The following PRUNE2 variants were observed in gnomAD, a reference collection of about 807,000 sequenced individuals.
PRUNE2 encodes prune homolog 2 with BCH domain.
PRUNE2 carries 164 observed loss-of-function variants against 252.0 expected under a neutral mutation model. The ratio of observed to expected loss-of-function variants is 0.65; its 90% confidence interval spans 0.57 to 0.74. The LOEUF (loss-of-function observed/expected upper bound fraction) is 0.74. PRUNE2 is among the 30% of genes least tolerant of loss of function. The probability of loss-of-function intolerance (pLI) is 0.00; values close to 1 mark genes in which losing one functional copy is unlikely to be tolerated. For missense variants in PRUNE2, 3,495 were observed against 3,711.0 expected (o/e 0.94, Z 1.51); for synonymous variants, 1,292 against 1,350.2 (o/e 0.96, Z 0.94).
chr9:76,675,466 G>A (rs1266373802), intron 9 of PRUNE2, among the ~76,000 whole-genome samples: 3 of 17,620 alleles, frequency 1.7e-4, no homozygotes, highest in South Asian at 2.9e-3. Flanking sequence ...CACTGTTGGT[G>A]GGACTGTAAA....
intron 4 of PRUNE2, among the ~76,000 whole-genome samples, chr9:76,842,645 C>T (rs6560549): frequency 0.29 from 43,798 of 152,000 alleles, 7,873 homozygotes; most frequent in African/African-American, 0.52. Context: ...AAGAATAAAA[C>T]AAACAACCCC....
Position 76,710,959 on chromosome 9 carries a change from A to T in PRUNE2, c.1315T>A (p.Ser439Thr). Residue 439 changes from serine to threonine, a missense_variant, in exon 8 of 19, where the codon TCC becomes ACC. Ser to Thr is a moderately conservative substitution (Grantham distance 58). Coordinates refer to ENST00000376718, the MANE Select transcript of PRUNE2 (RefSeq NM_015225.3). ...CTGAGGAAAACAGAGCTCTCCTTGGATGAGCGGCTGCTCCTAATGGTAGCC... is the reference window on the plus strand; with the variant it reads ...CTGAGGAAAACAGAGCTCTCCTTGGTTGAGCGGCTGCTCCTAATGGTAGCC... ...GLATIRSSRS[S>T]KESSVFLSDD... 6.3e-7 allele frequency: 1 copy of T among 1,598,968 alleles called. No homozygotes were observed. Among genetic ancestry groups the T allele is most frequent in the South Asian group, 1.1e-5 (1 of 88,106 alleles).
intron 17 of PRUNE2, among the ~76,000 whole-genome samples, chr9:76,620,636 C>T (rs1040242248): frequency 6.6e-6 from 1 of 152,086 alleles, no homozygotes; most frequent in Non-Finnish European, 1.5e-5. Context: ...GGTGAGATAG[C>T]AACCTTCCTT....
rs150154099 is a variant in PRUNE2, at chr9:76,806,047, A to T, written c.756+17585T>A. Reference sequence around the variant, plus strand: ...CCTTCCTCAGTATCTGTGTATATGCATGCATCCAAAAGTTGAAACCTGAAT... The same window carrying T: ...CCTTCCTCAGTATCTGTGTATATGCTTGCATCCAAAAGTTGAAACCTGAAT... On this transcript the variant is annotated intron_variant, in intron 6 of 18. Transcript: ENST00000376718. Among the ~76,000 whole-genome samples, 332 of 152,338 alleles carry T rather than the reference A, an allele frequency of 2.2e-3. 1 individual carries two copies. The highest frequency in any genetic ancestry group is 7.4e-3 in the African/African-American group (308 of 41,574).
chr9:76,694,017 G>A (rs1204368598), intron 9 of PRUNE2, among the ~76,000 whole-genome samples: 3 of 152,150 alleles, frequency 2.0e-5, no homozygotes, highest in Non-Finnish European at 2.9e-5. Context: ...GGAGCTGGTT[G>A]TATCTTGGGA....
chr9:76,830,186 G>A (rs909236565), intron 4 of PRUNE2, among the ~76,000 whole-genome samples: 3 of 152,154 alleles, frequency 2.0e-5, no homozygotes, highest in Non-Finnish European at 1.5e-5. Context: ...GAGAAAAAGC[G>A]ATGAAAAATA....
At chr9:76,833,947 A>G (rs1473848395) in intron 4 of PRUNE2, among the ~76,000 whole-genome samples, 2 of 148,862 alleles carry the variant, frequency 1.3e-5, no homozygotes, top group African/African-American at 5.0e-5. Flanking sequence ...AGTGGCTGCA[A>G]TCTTGGCTCA....
Position 76,704,989 on chromosome 9 carries a change from T to G in PRUNE2, c.7285A>C (p.Ile2429Leu). The G allele has an allele frequency of 1.2e-6, 2 of 1,613,788 alleles. No homozygotes were observed. The highest frequency in any genetic ancestry group is 1.7e-6 in the Non-Finnish European group (2 of 1,179,790). Reference protein sequence around the residue: ...DESLGCRAAEIVLSALPDRRS... With the variant: ...DESLGCRAAELVLSALPDRRS... ...CGATCAGGAAGTGCAGAAAGCACTA[T>G]CTCTGCTGCTCTGCATCCCAGAGAT... Residue 2429 changes from isoleucine to leucine, a missense_variant, in exon 8 of 19, where the codon ATA becomes CTA. Ile to Leu is a conservative substitution (Grantham distance 5). Transcript: ENST00000376718.
In PRUNE2 at chr9:76,885,520, A is replaced by G. The variant is rs112398017; in HGVS notation, c.36+20408T>C. Among the ~76,000 whole-genome samples the G allele has an allele frequency of 1.5e-3, 236 of 152,304 alleles. 2 individuals carry two copies. The highest frequency in any genetic ancestry group is 5.2e-3 in the African/African-American group (218 of 41,556). ...CAGCTGAAAGGAAATAGGAAAGGGG[A>G]AGGAAAACAACCATTAATGTCTACA... On this transcript the variant is annotated intron_variant, in intron 1 of 18. Coordinates refer to ENST00000376718, the MANE Select transcript of PRUNE2 (RefSeq NM_015225.3).
chr9:76,805,117 C>G (rs937126765), intron 6 of PRUNE2, among the ~76,000 whole-genome samples: 13 of 152,172 alleles, frequency 8.5e-5, no homozygotes, highest in Non-Finnish European at 1.2e-4. Flanking sequence ...GGTTTCTGTT[C>G]CCACATAAGA....
intron 1 of PRUNE2, among the ~76,000 whole-genome samples, chr9:76,873,549 C>A (rs574854535): frequency 6.6e-6 from 1 of 152,142 alleles, no homozygotes; most frequent in Non-Finnish European, 1.5e-5. Context: ...CCAAACGAGG[C>A]GCCAGAGAGC....
chr9:76,621,231 C>G (rs1368101449), intron 17 of PRUNE2, among the ~76,000 whole-genome samples: 1 of 152,174 alleles, frequency 6.6e-6, no homozygotes, highest in Non-Finnish European at 1.5e-5. Context: ...CATCTGTCAA[C>G]AGGAAGAACC....
chr9:76,683,970 C>T (rs1381831379), intron 9 of PRUNE2, among the ~76,000 whole-genome samples: 1 of 150,972 alleles, frequency 6.6e-6, no homozygotes, highest in Non-Finnish European at 1.5e-5. Flanking sequence ...CACATATATA[C>T]ACACACACGA....
At chr9:76,746,296 G>A (rs2050094032) in intron 6 of PRUNE2, among the ~76,000 whole-genome samples, 1 of 152,148 alleles carries the variant, frequency 6.6e-6, no homozygotes, top group Non-Finnish European at 1.5e-5. Context: ...TAGAGGCTTG[G>A]GACTTTCAGC....
chr9:76,705,953 T>C lies in PRUNE2; in HGVS notation c.6321A>G (p.Ile2107Met), dbSNP rs1235205182. 7 of 1,614,022 alleles carry C rather than the reference T, an allele frequency of 4.3e-6. No individual in the cohort carries two copies. Among genetic ancestry groups the C allele is most frequent in the Middle Eastern group, 1.7e-4 (1 of 6,060 alleles). ...SNSQASDSPD[I>M]CHDSEAKQET... The stretch of plus-strand genomic sequence containing the variant: ...CTTGCTTTGCTTCAGAATCGTGACA[T>C]ATATCAGGGCTGTCGGAAGCCTGAG... The change falls in exon 8 of 19, where the codon ATA (isoleucine) becomes ATG (methionine). Residue 2107 changes from isoleucine to methionine, a missense_variant. Ile to Met is a conservative substitution (Grantham distance 10, BLOSUM62 1). Coordinates refer to ENST00000376718, the MANE Select transcript of PRUNE2 (RefSeq NM_015225.3).
chr9:76,849,966 G>C (rs923303208), intron 3 of PRUNE2, among the ~76,000 whole-genome samples: 1 of 152,132 alleles, frequency 6.6e-6, no homozygotes, highest in Non-Finnish European at 1.5e-5. Flanking sequence ...TTTGCCATAA[G>C]AGAAGAAAAA....
chr9:76,793,265 C>T (rs528173417), intron 6 of PRUNE2, among the ~76,000 whole-genome samples: 1 of 152,226 alleles, frequency 6.6e-6, no homozygotes, highest in East Asian at 1.9e-4. Context: ...TAATTCTGCA[C>T]ATAGCAAACA....
At chr9:76,893,936 G>T (rs1207753337) in intron 1 of PRUNE2, among the ~76,000 whole-genome samples, 3 of 152,144 alleles carry the variant, frequency 2.0e-5, no homozygotes, top group Non-Finnish European at 4.4e-5. Context: ...TTGCTTCATG[G>T]ATGGCTTTAT....
At chr9:76,904,965 A>G (rs1224054718) in intron 1 of PRUNE2, among the ~76,000 whole-genome samples, 1 of 152,200 alleles carries the variant, frequency 6.6e-6, no homozygotes, top group Non-Finnish European at 1.5e-5. Context: ...TGCAGACTTT[A>G]CATTTTGGCT....
Sources: gnomAD v4.1 joint callset for allele counts (sites outside exome capture counted in the v4.1 genomes callset) on GRCh38, gnomAD v4.1.1 for gene constraint, MANE v1.5 for transcripts, NCBI Gene and HGNC (gene_info 2026-07-23, HGNC 2026-07-21) for gene names.